Variants in WWC2 observed in about 807,000 individuals in gnomAD.
WWC2 encodes the protein protein WWC2.
In WWC2, 101 loss-of-function variants were observed where a neutral mutation model predicts 138.5. The ratio of observed to expected loss-of-function variants is 0.73; its 90% CI spans 0.62 to 0.86. The LOEUF (loss-of-function observed/expected upper bound fraction) is 0.86, where lower values mean the gene tolerates loss of function less well. WWC2 is among the 40% of genes least tolerant of loss of function. The pLI, the probability that WWC2 is intolerant of heterozygous loss-of-function variation, is 0.00. For synonymous variants in WWC2, 558 were observed against 538.4 expected (o/e 1.04, Z -0.50); for missense variants, 1,420 against 1,419.4 (o/e 1.00, Z -0.01).
At position 183,219,174 on chromosome 4, in the gene WWC2, G is replaced by C. The variant is rs892593271; in HGVS notation, c.522+10149G>C. Among the ~76,000 whole-genome samples, 36 of 152,226 alleles carry C rather than the reference G, an allele frequency of 2.4e-4. 1 individual carries two copies. Among genetic ancestry groups the C allele is most frequent in the African/African-American group, 8.2e-4 (34 of 41,554 alleles). On this transcript the variant is annotated intron_variant, in intron 4 of 22. Transcript: ENST00000403733. The stretch of plus-strand genomic sequence containing the variant: ...ACAGAAAATAGAACAGTGGTTACCA[G>C]GGGCTGAGGAAGAAGAGAAAGGAGT...
intron 1 of WWC2, among the ~76,000 whole-genome samples, chr4:183,177,795 T>C (rs928940076): frequency 6.6e-6 from 1 of 152,186 alleles, no homozygotes; most frequent in African/African-American, 2.4e-5. Context: ...GCACCGAGAT[T>C]GATTGACTCA....
At chr4:183,119,752 T>G (rs1031574011) in intron 1 of WWC2, among the ~76,000 whole-genome samples, 9 of 152,338 alleles carry the variant, frequency 5.9e-5, no homozygotes, top group East Asian at 1.9e-4. Context: ...GAACTTAAAA[T>G]GAGCACGTAG....
chr4:183,220,790 T>C (rs1206106891), intron 4 of WWC2, among the ~76,000 whole-genome samples: 69 of 149,024 alleles, frequency 4.6e-4, no homozygotes, highest in South Asian at 6.3e-4. Flanking sequence ...GCCAACATCG[T>C]GCCACTGCAC....
intron 1 of WWC2, among the ~76,000 whole-genome samples, chr4:183,193,202 G>T (rs1735039514): frequency 6.6e-6 from 1 of 152,196 alleles, no homozygotes; most frequent in Non-Finnish European, 1.5e-5. Flanking sequence ...AGTGTAACCT[G>T]ATGTGGATCT....
At chr4:183,198,975 A>G (rs1008639877) in intron 2 of WWC2, among the ~76,000 whole-genome samples, 3 of 152,128 alleles carry the variant, frequency 2.0e-5, no homozygotes, top group Admixed American at 1.3e-4. Context: ...GGAAAGGACC[A>G]CCACCATGCC....
chr4:183,236,313 A>G (rs1156708301), intron 4 of WWC2, among the ~76,000 whole-genome samples: 1 of 152,232 alleles, frequency 6.6e-6, no homozygotes, highest in Non-Finnish European at 1.5e-5. Flanking sequence ...TAATTGAGCA[A>G]TGAAAGATTC....
chr4:183,111,197 A>G (rs1489954317), intron 1 of WWC2, among the ~76,000 whole-genome samples: 1 of 152,142 alleles, frequency 6.6e-6, no homozygotes, highest in East Asian at 1.9e-4. Flanking sequence ...CGGAGATTGC[A>G]CTACTGCACT....
intron 1 of WWC2, among the ~76,000 whole-genome samples, chr4:183,182,005 A>G (rs1215371228): frequency 2.0e-5 from 3 of 152,226 alleles, no homozygotes; most frequent in Admixed American, 6.5e-5. Flanking sequence ...ATACCAAAAT[A>G]TGATGTATAT....
rs1039130761 is a variant in WWC2 at position 183,319,416 on chromosome 4, A to G, written c.*3687A>G. 5 of 953,046 alleles carry G rather than the reference A, an allele frequency of 5.2e-6. No homozygotes were observed. In the Admixed American group the frequency reaches 1.2e-4, roughly 23 times the overall value. 59.0% of individuals were successfully genotyped at this position (953,046 alleles called of 1,614,324 possible). The stretch of plus-strand genomic sequence containing the variant: ...TAAAAATGGTTTACCAGTCTTGGAA[A>G]GAAACTATAGTTTAATAGCCACAGG... On this transcript the variant is annotated 3_prime_UTR_variant, in exon 23 of 23. Transcript: ENST00000403733.
rs1443421553 is a variant in WWC2, at chr4:183,266,217, C to T, written c.2207+266C>T. 4.6e-5 allele frequency among the ~76,000 whole-genome samples: 7 copies of T among 152,040 alleles called. 1 individual carries two copies. The East Asian group carries it at 1.3e-3, about 29-fold the overall frequency. ...TTGTAACCAGAAGCACTGTTTTATG[C>T]TGTGTTGGAATTTGATTGAAATATG... is the stretch of plus-strand genomic sequence containing the variant. On this transcript the variant is annotated intron_variant, in intron 14 of 22. Transcript: ENST00000403733.
chr4:183,164,464 A>T (rs1311930871), intron 1 of WWC2, among the ~76,000 whole-genome samples: 1 of 148,780 alleles, frequency 6.7e-6, no homozygotes, highest in Non-Finnish European at 1.5e-5. Context: ...GTAGTGGCAC[A>T]GAAAGAAGAG....
chr4:183,273,743 C>G (rs1737769384), intron 16 of WWC2, among the ~76,000 whole-genome samples: 1 of 152,188 alleles, frequency 6.6e-6, no homozygotes, highest in Non-Finnish European at 1.5e-5. Flanking sequence ...ATTTACAGCA[C>G]AAAAGTTTTT....
At chr4:183,199,103 G>C (rs1580050192) in intron 2 of WWC2, among the ~76,000 whole-genome samples, 2 of 152,244 alleles carry the variant, frequency 1.3e-5, no homozygotes, top group South Asian at 4.1e-4. Flanking sequence ...AACCAGGCTG[G>C]AGAAAAAGAC....
In WWC2 at chr4:183,113,524, G is replaced by A. The variant is rs182506022; in HGVS notation, c.131+13902G>A. ...TGTGTGTGTGTGTGTGTGCGCGCGC[G>A]TGCGCGCGCACATGCACGTGCATGC... On this transcript the variant is annotated intron_variant, in intron 1 of 22. Coordinates refer to ENST00000403733, the MANE Select transcript of WWC2 (RefSeq NM_024949.6). Among the ~76,000 whole-genome samples, 677 of 141,504 alleles carry A rather than the reference G, an allele frequency of 4.8e-3. 8 individuals are homozygous for A. The highest frequency in any genetic ancestry group is 5.4e-3 in the Non-Finnish European group (358 of 65,906). The allele number at this position is 141,504 out of a possible 152,430, so 92.8% of individuals were successfully genotyped here.
chr4:183,138,309 T>C (rs1430875943), intron 1 of WWC2, among the ~76,000 whole-genome samples: 1 of 152,200 alleles, frequency 6.6e-6, no homozygotes, highest in East Asian at 1.9e-4. Context: ...CTAGTCTCTT[T>C]GGCATCTGAA....
intron 1 of WWC2, among the ~76,000 whole-genome samples, chr4:183,173,349 G>A (rs572188372): frequency 6.6e-6 from 1 of 152,132 alleles, no homozygotes; most frequent in East Asian, 1.9e-4. Flanking sequence ...ACCGTGCCTG[G>A]CCACATATTT....
intron 16 of WWC2, among the ~76,000 whole-genome samples, chr4:183,275,597 A>C (rs1325194918): frequency 6.6e-6 from 1 of 152,138 alleles, no homozygotes; most frequent in South Asian, 2.1e-4. Context: ...CAATTGATAT[A>C]ATTTATTAAT....
intron 4 of WWC2, among the ~76,000 whole-genome samples, chr4:183,210,913 C>T (rs1580061303): frequency 6.6e-6 from 1 of 152,194 alleles, no homozygotes; most frequent in African/African-American, 2.4e-5. Context: ...GGACATGTGG[C>T]ACCTGACTGT....
chr4:183,306,692 A>G (rs1252026188), intron 21 of WWC2, among the ~76,000 whole-genome samples: 1 of 151,834 alleles, frequency 6.6e-6, no homozygotes, highest in Non-Finnish European at 1.5e-5. Context: ...ACACCCAGTT[A>G]ATTTTTGTAT....
Sources: gnomAD v4.1 joint callset for allele counts (sites outside exome capture counted in the v4.1 genomes callset) on GRCh38, gnomAD v4.1.1 for gene constraint, MANE v1.5 for transcripts, NCBI Gene and HGNC (gene_info 2026-07-23, HGNC 2026-07-21) for gene names.